NFATC2: variants seen among roughly 807,000 people sequenced by gnomAD.
The protein encoded by NFATC2 is nuclear factor of activated T-cells, cytoplasmic 2.
Under a neutral mutation model 87.3 loss-of-function variants are expected in NFATC2, and 22 were observed. The observed-to-expected ratio is 0.25, with a 90% CI of 0.18 to 0.36. The LOEUF is 0.36. Ranked by LOEUF, NFATC2 falls within the 10% of genes least tolerant of loss-of-function variation. The pLI, the probability that NFATC2 is intolerant of heterozygous loss-of-function variation, is 1.00. For missense variants in NFATC2, 1,149 were observed against 1,259.1 expected (o/e 0.91, Z 1.32); for synonymous variants, 565 against 542.2 (o/e 1.04, Z -0.58).
intron 3 of NFATC2, among the ~76,000 whole-genome samples, chr20:51,503,312 C>T (rs1293577953): frequency 2.6e-5 from 4 of 152,214 alleles, no homozygotes; most frequent in African/African-American, 9.6e-5. Flanking sequence ...GTGTTTTACA[C>T]ACGTTCTCAT....
rs748281703 is a variant in NFATC2 at position 51,451,302 on chromosome 20, C to T, written c.1849+3246G>A. Among the ~76,000 whole-genome samples, 11 of 152,228 alleles carry T rather than the reference C, an allele frequency of 7.2e-5. No individual in the cohort carries two copies. The East Asian group carries it at 9.6e-4, about 13-fold the overall frequency. ...ACCCTGATTCTGATTTTTCCTCATG[C>T]TCTTTTCCTTTCCTTGTCTTTCCTG... On this transcript the variant is annotated intron_variant, in intron 6 of 10. Transcript: ENST00000371564.
chr20:51,535,315 C>T (rs6123049), intron 1 of NFATC2, among the ~76,000 whole-genome samples: 10,425 of 152,270 alleles, frequency 0.068, 586 homozygotes, highest in African/African-American at 0.15. Flanking sequence ...CGACCAGCCA[C>T]CTCTGCGAGT....
intron 1 of NFATC2, among the ~76,000 whole-genome samples, chr20:51,561,813 C>T (rs2077035815): frequency 6.6e-6 from 1 of 152,154 alleles, no homozygotes; most frequent in Middle Eastern, 3.4e-3. Context: ...AGCCAAAGCC[C>T]CTCCGCAATC....
At position 51,552,185 on chromosome 20, in the gene NFATC2, G is replaced by A. The variant is rs527468697; in HGVS notation, c.70+10375C>T. 2.0e-5 allele frequency among the ~76,000 whole-genome samples: 3 copies of A among 152,322 alleles called. No homozygotes were observed. In the South Asian group the frequency reaches 6.2e-4, roughly 32 times the overall value. On this transcript the variant is annotated intron_variant, in intron 1 of 10. Coordinates refer to the NFATC2 transcript ENST00000414705. ...CCCCATCTTTATGAAGCTGAAACAG[G>A]AGGATGGCTTGAGCCCAGGAGGCTG...
At chr20:51,467,024 A>G (rs563865683) in intron 5 of NFATC2, among the ~76,000 whole-genome samples, 39 of 148,822 alleles carry the variant, frequency 2.6e-4, no homozygotes, top group African/African-American at 9.0e-4. Context: ...GTGAGCCAAG[A>G]CTGCGCCATT....
chr20:51,463,407 T>A (rs1348380628), intron 5 of NFATC2, among the ~76,000 whole-genome samples: 2 of 152,186 alleles, frequency 1.3e-5, no homozygotes, highest in Non-Finnish European at 2.9e-5. Context: ...CTTTCTCATA[T>A]GGAGAAATGC....
At chr20:51,544,473 T>C (rs753000642), upstream of NFATC2, among the ~76,000 whole-genome samples, 2 of 152,062 alleles carry the variant, frequency 1.3e-5, no homozygotes, top group Non-Finnish European at 1.5e-5. Flanking sequence ...TCAGCTCCAT[T>C]AAGGGGATTT....
chr20:51,442,508 T>C (rs6126231), intron 6 of NFATC2, among the ~76,000 whole-genome samples: 2 of 152,290 alleles, frequency 1.3e-5, no homozygotes, highest in East Asian at 3.9e-4. Flanking sequence ...TACCGCATGA[T>C]GCCGCTTTGT....
intron 3 of NFATC2, among the ~76,000 whole-genome samples, chr20:51,478,277 T>C (rs995771253): frequency 1.3e-5 from 2 of 152,184 alleles, no homozygotes; most frequent in Non-Finnish European, 2.9e-5. Context: ...GAGAAGAGAT[T>C]TTGTTTTTGT....
intron 9 of NFATC2, among the ~76,000 whole-genome samples, chr20:51,405,690 C>T (rs1337716761): frequency 1.3e-5 from 2 of 152,170 alleles, no homozygotes; most frequent in Admixed American, 1.3e-4. Context: ...TCATCTACTG[C>T]TGTATCCCCA....
chr20:51,515,140 G>T (rs2076331495), intron 3 of NFATC2, among the ~76,000 whole-genome samples: 1 of 152,212 alleles, frequency 6.6e-6, no homozygotes, highest in African/African-American at 2.4e-5. Flanking sequence ...GGAATCGGTG[G>T]CATCAGAGAG....
intron 3 of NFATC2, among the ~76,000 whole-genome samples, chr20:51,514,509 T>C (rs920111239): frequency 6.6e-5 from 10 of 152,270 alleles, no homozygotes; most frequent in African/African-American, 2.4e-4. Flanking sequence ...AAAATAATTA[T>C]GCAAATGTTA....
intron 5 of NFATC2, among the ~76,000 whole-genome samples, chr20:51,462,317 G>C (rs533328819): frequency 1.3e-5 from 2 of 150,350 alleles, no homozygotes; most frequent in Non-Finnish European, 3.0e-5. Flanking sequence ...ATGATGGCAC[G>C]CACCTGTAAT....
intron 3 of NFATC2, among the ~76,000 whole-genome samples, chr20:51,492,190 C>T (rs2075903072): frequency 6.6e-6 from 1 of 152,078 alleles, no homozygotes; most frequent in South Asian, 2.1e-4. Context: ...CCATCACACA[C>T]ATCTTCCTGT....
At chr20:51,489,893 ACTGT>A (rs1424997785) in intron 3 of NFATC2, among the ~76,000 whole-genome samples, 1 of 152,234 alleles carries the variant, frequency 6.6e-6, no homozygotes, top group Admixed American at 6.5e-5. Flanking sequence ...GGGAAAGACG[ACTGT>A]CTGACACACG....
intron 1 of NFATC2, among the ~76,000 whole-genome samples, chr20:51,539,649 C>T (rs1368013786): frequency 2.6e-5 from 4 of 152,162 alleles, no homozygotes; most frequent in African/African-American, 9.7e-5. Flanking sequence ...CGCAACTAGG[C>T]TAGGCTAATT....
At chr20:51,428,440 T>G (rs192222970) in intron 9 of NFATC2, among the ~76,000 whole-genome samples, 19 of 152,324 alleles carry the variant, frequency 1.2e-4, no homozygotes, top group African/African-American at 4.6e-4. Context: ...TGAAAACGTC[T>G]CAAGTACTCG....
At position 51,533,498 on chromosome 20, in the gene NFATC2, C is replaced by T. The variant is rs537092767; in HGVS notation, c.130+8872G>A. Among the ~76,000 whole-genome samples the T allele has an allele frequency of 7.2e-5, 11 of 152,314 alleles. No homozygotes were observed. The South Asian group carries it at 2.1e-3, about 29-fold the overall frequency. Reference sequence around the variant, plus strand: ...CACATACAGACACAGGCCTGAAAGTCGAGAAATTCCATCTGGATAAATCAG... The same window carrying T: ...CACATACAGACACAGGCCTGAAAGTTGAGAAATTCCATCTGGATAAATCAG... On this transcript the variant is annotated intron_variant, in intron 1 of 10. Coordinates refer to ENST00000371564, the MANE Select transcript of NFATC2 (RefSeq NM_012340.5).
chr20:51,456,891 G>A (rs1986593351), intron 5 of NFATC2, among the ~76,000 whole-genome samples: 3 of 152,344 alleles, frequency 2.0e-5, no homozygotes, highest in Admixed American at 6.5e-5. Context: ...TTCAGGAGTC[G>A]CCGTGCACCA....
Sources: allele counts gnomAD v4.1 joint callset (sites outside exome capture counted in the v4.1 genomes callset), GRCh38; gene constraint gnomAD v4.1.1; transcripts MANE v1.5; gene names NCBI Gene and HGNC (gene_info 2026-07-23, HGNC 2026-07-21).